The following DCC variants were observed in gnomAD, a reference collection of about 807,000 sequenced individuals.
DCC encodes DCC netrin 1 receptor.
In DCC, 58 loss-of-function variants were observed where a neutral mutation model predicts 172.5. The ratio of observed to expected loss-of-function variants is 0.34; its 90% CI spans 0.27 to 0.42. The LOEUF is 0.42. Ranked by LOEUF, DCC falls within the 10% of genes least tolerant of loss-of-function variation. DCC has a pLI of 1.00. For missense variants in DCC, 1,740 were observed against 1,791.0 expected, an observed-to-expected ratio of 0.97 and a Z score of 0.51; for synonymous variants, 709 against 644.5, an observed-to-expected ratio of 1.10 and a Z score of -1.52.
rs147650143 is a variant in DCC, at chr18:53,245,509, G to A, written c.1911+29912G>A. 2.4e-4 allele frequency among the ~76,000 whole-genome samples: 36 copies of A among 152,168 alleles called. 1 individual carries two copies. Among genetic ancestry groups the A allele is most frequent in the African/African-American group, 7.5e-4 (31 of 41,542 alleles). On this transcript the variant is annotated intron_variant, in intron 12 of 28. Coordinates refer to ENST00000442544, the MANE Select transcript of DCC (RefSeq NM_005215.4). Reference sequence around the variant, plus strand: ...TGGAACTGTTTCTAGCATATGAATAGAATTATGTAAGCACTGGTGAAATAA... The same window carrying A: ...TGGAACTGTTTCTAGCATATGAATAAAATTATGTAAGCACTGGTGAAATAA...
chr18:53,452,784 C>T (rs537683992), intron 23 of DCC, among the ~76,000 whole-genome samples: 24 of 152,324 alleles, frequency 1.6e-4, no homozygotes, highest in African/African-American at 5.8e-4. Context: ...TATCTTTCTT[C>T]AGTAGCAGAC....
At chr18:52,893,440 T>C (rs1294184555) in intron 2 of DCC, among the ~76,000 whole-genome samples, 1 of 152,150 alleles carries the variant, frequency 6.6e-6, no homozygotes, top group Non-Finnish European at 1.5e-5. Context: ...AGATAGAAGA[T>C]CATTTAATCC....
chr18:53,086,023 TCCCTCTCCCTCTCCCTCTCCC>T (rs2042880358), intron 7 of DCC, among the ~76,000 whole-genome samples: 1 of 1,036 alleles, frequency 9.7e-4, no homozygotes, highest in African/African-American at 0.023. Flanking sequence ...CTTCTCCCTC[TCCCTCTCCCTCTCCCTCTCCC>T]TCTCCTTCTC....
At chr18:53,090,510 G>A (rs1031130807) in intron 7 of DCC, among the ~76,000 whole-genome samples, 1 of 151,222 alleles carries the variant, frequency 6.6e-6, no homozygotes. Flanking sequence ...TGGCTAACAA[G>A]GTGAAATTCC....
At chr18:52,549,827 C>A (rs1445613630) in intron 1 of DCC, among the ~76,000 whole-genome samples, 1 of 146,918 alleles carries the variant, frequency 6.8e-6, no homozygotes, top group Non-Finnish European at 1.5e-5. Context: ...TTTTTTTTTT[C>A]CTTTACAGAA....
At chr18:52,570,681 C>T (rs1427484916) in intron 1 of DCC, among the ~76,000 whole-genome samples, 1 of 152,118 alleles carries the variant, frequency 6.6e-6, no homozygotes, top group African/African-American at 2.4e-5. Context: ...TGAGCCTAAG[C>T]AGCAGTTTGG....
At chr18:53,377,886 A>C (rs904957923) in intron 15 of DCC, among the ~76,000 whole-genome samples, 1 of 152,212 alleles carries the variant, frequency 6.6e-6, no homozygotes, top group Non-Finnish European at 1.5e-5. Context: ...GTTCATCAAA[A>C]GATTCAGCAA....
At chr18:52,768,945 G>A (rs1329750200) in intron 2 of DCC, among the ~76,000 whole-genome samples, 2 of 152,188 alleles carry the variant, frequency 1.3e-5, no homozygotes, top group African/African-American at 2.4e-5. Context: ...ACCTTAAAAT[G>A]TCTTGAGGAC....
intron 7 of DCC, among the ~76,000 whole-genome samples, chr18:53,089,814 T>C (rs1391816972): frequency 1.3e-5 from 2 of 152,170 alleles, no homozygotes; most frequent in African/African-American, 4.8e-5. Context: ...TTTCTTATGA[T>C]GTAATAAATT....
chr18:52,448,676 C>G (rs1008973793), intron 1 of DCC, among the ~76,000 whole-genome samples: 3 of 152,080 alleles, frequency 2.0e-5, no homozygotes, highest in Admixed American at 2.0e-4. Flanking sequence ...TCCAAGTGCT[C>G]AGATCAGTCT....
intron 1 of DCC, among the ~76,000 whole-genome samples, chr18:52,447,150 T>G (rs1383800986): frequency 6.6e-6 from 1 of 152,234 alleles, no homozygotes; most frequent in Non-Finnish European, 1.5e-5. Flanking sequence ...TTAGTCTGCC[T>G]AAGGGTTTCA....
intron 2 of DCC, among the ~76,000 whole-genome samples, chr18:52,891,570 G>A (rs1598903694): frequency 6.6e-6 from 1 of 151,970 alleles, no homozygotes; most frequent in African/African-American, 2.4e-5. Context: ...TCTTACTCCT[G>A]TTTAATTTTT....
intron 19 of DCC, among the ~76,000 whole-genome samples, chr18:53,410,043 A>G (rs1909890324): frequency 6.6e-6 from 1 of 152,150 alleles, no homozygotes; most frequent in African/African-American, 2.4e-5. Flanking sequence ...ATACCTTCCA[A>G]TACATTTTTA....
chr18:53,389,399 T>TGCTGTGCAC (rs1908398601), intron 16 of DCC, among the ~76,000 whole-genome samples: 1 of 151,938 alleles, frequency 6.6e-6, no homozygotes, highest in African/African-American at 2.4e-5. Flanking sequence ...TAGCTGTGCT[T>TGCTGTGCAC]GCTGTGCACG....
At chr18:52,761,347 T>C (rs1301570486) in intron 2 of DCC, among the ~76,000 whole-genome samples, 1 of 152,188 alleles carries the variant, frequency 6.6e-6, no homozygotes, top group African/African-American at 2.4e-5. Context: ...CAAGATTAGA[T>C]TTTGGTTGGG....
chr18:52,931,224 C>A (rs920153760), intron 5 of DCC, among the ~76,000 whole-genome samples: 1 of 151,936 alleles, frequency 6.6e-6, no homozygotes, highest in Non-Finnish European at 1.5e-5. Flanking sequence ...TTAGGATTAT[C>A]CTGCAGGACT....
chr18:53,168,588 G>A (rs969469523), intron 8 of DCC, among the ~76,000 whole-genome samples: 1 of 150,954 alleles, frequency 6.6e-6, no homozygotes, highest in Non-Finnish European at 1.5e-5. Flanking sequence ...GGGGCTAGGG[G>A]AGGGATAGTA....
At chr18:53,095,995 A>G (rs2043082348) in intron 7 of DCC, among the ~76,000 whole-genome samples, 1 of 151,962 alleles carries the variant, frequency 6.6e-6, no homozygotes, top group Non-Finnish European at 1.5e-5. Context: ...CTGTAATCCC[A>G]TTGATTTCAG....
intron 1 of DCC, among the ~76,000 whole-genome samples, chr18:52,741,045 G>GA (rs1321396509): frequency 6.6e-6 from 1 of 152,190 alleles, no homozygotes; most frequent in Non-Finnish European, 1.5e-5. Context: ...ATCAGACAAA[G>GA]AACTCAGGTC....
Sources: gnomAD v4.1 joint callset for allele counts (sites outside exome capture counted in the v4.1 genomes callset) on GRCh38, gnomAD v4.1.1 for gene constraint, MANE v1.5 for transcripts, NCBI Gene and HGNC (gene_info 2026-07-23, HGNC 2026-07-21) for gene names.